CHLSN: variants seen among roughly 807,000 people sequenced by gnomAD.
The protein encoded by CHLSN is cholesin.
the CHLSN span, among the ~76,000 whole-genome samples, chr7:1,041,383 C>G: frequency 5.1e-3 from 437 of 86,480 alleles, 41 homozygotes; most frequent in African/African-American, 0.014. Context: ...TGCAGGGGAA[C>G]GGGACCTGGG....
the CHLSN span, among the ~76,000 whole-genome samples, chr7:1,134,364 AG>A: frequency 1.3e-3 from 190 of 151,430 alleles, no homozygotes; most frequent in Admixed American, 3.7e-3. Flanking sequence ...ACCTGAAGTC[AG>A]GAGTTCGAGA....
At chr7:1,045,089 C>T in the CHLSN span, among the ~76,000 whole-genome samples, 1 of 152,226 alleles carries the variant, frequency 6.6e-6, no homozygotes, top group East Asian at 1.9e-4. Flanking sequence ...TGTCAGTTGT[C>T]TTGGACAGTT....
chr7:1,104,331 C>G, the CHLSN span, among the ~76,000 whole-genome samples: 1 of 152,196 alleles, frequency 6.6e-6, no homozygotes, highest in Non-Finnish European at 1.5e-5. Context: ...CCCAGGACTT[C>G]GAGGCTGCAG....
chr7:1,020,284 C>A, the CHLSN span, among the ~76,000 whole-genome samples: 1 of 152,186 alleles, frequency 6.6e-6, no homozygotes, highest in African/African-American at 2.4e-5. Flanking sequence ...AGAGGGGGCA[C>A]CCCTTGCTCC....
chr7:1,136,321 TAAATATATAAATATATAAAC>T, the CHLSN span, among the ~76,000 whole-genome samples: 1 of 100,176 alleles, frequency 1.0e-5, no homozygotes, highest in Non-Finnish European at 1.7e-5. Context: ...TATATAAACA[TAAATATATAAATATATAAAC>T]ATATAAATAT....
At chr7:1,070,629 ACACGC>A in the CHLSN span, among the ~76,000 whole-genome samples, 1 of 140,074 alleles carries the variant, frequency 7.1e-6, no homozygotes, top group African/African-American at 2.6e-5. Flanking sequence ...CACGCACACA[ACACGC>A]ACACGGACAC....
chr7:1,053,212 G>C, the CHLSN span, among the ~76,000 whole-genome samples: 2,310 of 152,344 alleles, frequency 0.015, 25 homozygotes, highest in Middle Eastern at 0.044. Flanking sequence ...GGCTCCACCC[G>C]CCTGGGCCAG....
the CHLSN span, among the ~76,000 whole-genome samples, chr7:1,076,842 AG>A: frequency 3.7e-3 from 567 of 152,302 alleles, 10 homozygotes; most frequent in Non-Finnish European, 6.5e-4. Flanking sequence ...CCTGCCTTCT[AG>A]CCACACTTCC....
chr7:1,016,170 C>G, the CHLSN span, among the ~76,000 whole-genome samples: 2 of 99,208 alleles, frequency 2.0e-5, no homozygotes, highest in African/African-American at 5.5e-5. Context: ...CACACAGCAG[C>G]ACACAGCAGC....
At chr7:1,018,029 C>T in the CHLSN span, among the ~76,000 whole-genome samples, 1 of 152,184 alleles carries the variant, frequency 6.6e-6, no homozygotes, top group African/African-American at 2.4e-5. Context: ...ACCCAAAGTC[C>T]CCACGGGGCT....
the CHLSN span, chr7:1,000,605 G>A: frequency 2.7e-6 from 4 of 1,454,752 alleles, no homozygotes; most frequent in Non-Finnish European, 3.8e-6. Context: ...CTCCCGGGCA[G>A]CTGTCTGCCC....
the CHLSN span, among the ~76,000 whole-genome samples, chr7:1,016,851 AG>A: frequency 1.4e-4 from 13 of 92,770 alleles, 2 homozygotes; most frequent in Non-Finnish European, 2.5e-4. Context: ...GCCAGCACAC[AG>A]CAGCACACAG....
At chr7:1,066,085 G>A in the CHLSN span, among the ~76,000 whole-genome samples, 1 of 152,218 alleles carries the variant, frequency 6.6e-6, no homozygotes, top group Non-Finnish European at 1.5e-5. Context: ...ACACGACTCG[G>A]TGAGTTCCCG....
chr7:1,124,146 C>G, the CHLSN span, among the ~76,000 whole-genome samples: 3 of 152,156 alleles, frequency 2.0e-5, no homozygotes, highest in Non-Finnish European at 4.4e-5. Context: ...TTAATCAACA[C>G]GTATTTTAAT....
the CHLSN span, among the ~76,000 whole-genome samples, chr7:1,039,175 C>T: frequency 1.4e-4 from 4 of 28,856 alleles, no homozygotes; most frequent in East Asian, 8.1e-4. Context: ...CCGCCCCGTC[C>T]GGGAGGGAGG....
the CHLSN span, among the ~76,000 whole-genome samples, chr7:994,205 TG>T: frequency 6.6e-6 from 1 of 152,232 alleles, no homozygotes; most frequent in Admixed American, 6.5e-5. Context: ...TCACCCAGGC[TG>T]GAGTGCAATG....
At chr7:1,118,653 A>G in the CHLSN span, among the ~76,000 whole-genome samples, 2 of 152,090 alleles carry the variant, frequency 1.3e-5, no homozygotes, top group African/African-American at 4.8e-5. Context: ...ACTGTCCAAA[A>G]AAACAATGAA....
the CHLSN span, among the ~76,000 whole-genome samples, chr7:980,684 CTTTTTTTT>C: frequency 1.3e-4 from 13 of 97,034 alleles, no homozygotes; most frequent in South Asian, 3.7e-4. Flanking sequence ...GTAACAGTTA[CTTTTTTTT>C]TTTTTTTTTT....
the CHLSN span, among the ~76,000 whole-genome samples, chr7:1,048,848 G>T: frequency 6.6e-6 from 1 of 152,198 alleles, no homozygotes; most frequent in Admixed American, 6.5e-5. Context: ...CCTGGAGCAG[G>T]TTCTCCTTCT....
Sources: gnomAD v4.1 joint callset for allele counts (sites outside exome capture counted in the v4.1 genomes callset) on GRCh38, gnomAD v4.1.1 for gene constraint, MANE v1.5 for transcripts, NCBI Gene and HGNC (gene_info 2026-07-23, HGNC 2026-07-21) for gene names.